RPAP3: variants seen among roughly 807,000 people sequenced by gnomAD.
RPAP3 encodes RNA polymerase II-associated protein 3.
In RPAP3, 58 loss-of-function variants were observed where a neutral mutation model predicts 88.8. The ratio of observed to expected loss-of-function variants is 0.65; its 90% CI spans 0.53 to 0.81. RPAP3 has a LOEUF of 0.81. RPAP3 is among the 40% of genes least tolerant of loss of function. The pLI is 0.00. For missense variants in RPAP3, 751 were observed against 764.3 expected (o/e 0.98, Z 0.20); for synonymous variants, 255 against 259.9 (o/e 0.98, Z 0.18).
At chr12:47,705,825 C>T (rs900944022) in intron 1 of RPAP3, 127 bp downstream of exon 1, 2 of 160,088 alleles carry the variant, frequency 1.2e-5, no homozygotes, top group East Asian at 1.7e-4. Context: ...CCTCAACGCG[C>T]GCCTCCACCG....
rs138162325 is a variant in RPAP3, at chr12:47,688,739, C to A, written c.738+386G>T. On this transcript the variant is annotated intron_variant, in intron 7 of 16. Coordinates refer to ENST00000005386, the MANE Select transcript of RPAP3 (RefSeq NM_024604.3). ...AACTATAATCAAGTTAACATATTTA[C>A]CAGATCTTATGTGCAATAGTAGTGG... is the stretch of plus-strand genomic sequence containing the variant. Among the ~76,000 whole-genome samples the A allele has an allele frequency of 3.3e-5, 5 of 152,260 alleles. No homozygotes were observed. The East Asian group carries it at 9.6e-4, about 29-fold the overall frequency.
chr12:47,701,022 T>C (rs896925999), intron 3 of RPAP3, among the ~76,000 whole-genome samples: 2 of 152,130 alleles, frequency 1.3e-5, no homozygotes, highest in African/African-American at 4.8e-5. Flanking sequence ...TATATCTGTA[T>C]CTTAATTGCG....
In RPAP3 at chr12:47,701,599, T is replaced by A; in HGVS notation, c.159A>T (p.Leu53Phe). 2 of 1,586,218 alleles carry A rather than the reference T, an allele frequency of 1.3e-6. No individual in the cohort carries two copies. The highest frequency in any genetic ancestry group is 1.7e-6 in the Non-Finnish European group (2 of 1,169,214). The change falls in exon 3 of 17, where the codon TTA (leucine) becomes TTT (phenylalanine). Residue 53 changes from leucine to phenylalanine, a missense_variant. Transcript: ENST00000005386. ...RRQNGVPEEN[L>F]PPIRNGNFRK... is the part of the protein sequence containing the mutation. The stretch of plus-strand genomic sequence containing the variant: ...TAAAATTCCCATTTCGAATAGGAGG[T>A]AAATTCTAAGGAGGGAAAAAAAAAC...
At chr12:47,679,653 T>C in intron 11 of RPAP3, 51 bp downstream of exon 11, 2 of 1,526,274 alleles carry the variant, frequency 1.3e-6, no homozygotes, top group Non-Finnish European at 1.8e-6. Context: ...CAAATAAATA[T>C]ATTTATGTTT....
At chr12:47,700,880 G>T (rs1241316079) in intron 3 of RPAP3, among the ~76,000 whole-genome samples, 1 of 152,214 alleles carries the variant, frequency 6.6e-6, no homozygotes, top group Non-Finnish European at 1.5e-5. Flanking sequence ...TTATGACAAA[G>T]ACATCTGCAC....
intron 3 of RPAP3, chr12:47,700,157 G>C (rs984138872): frequency 1.3e-5 from 2 of 151,998 alleles, no homozygotes; most frequent in Admixed American, 6.6e-5. Context: ...TGGTTTCACA[G>C]GTGTACACTT....
intron 12 of RPAP3, among the ~76,000 whole-genome samples, chr12:47,671,579 A>G (rs1053060939): frequency 3.9e-5 from 6 of 152,360 alleles, no homozygotes; most frequent in East Asian, 1.9e-4. Context: ...AAGAAAATTT[A>G]TAACAGAATT....
intron 12 of RPAP3, among the ~76,000 whole-genome samples, chr12:47,677,505 C>T (rs902670767): frequency 5.9e-5 from 9 of 152,024 alleles, no homozygotes; most frequent in Non-Finnish European, 1.3e-4. Context: ...ATCGTCTCAG[C>T]CCAAAATCTC....
At position 47,679,615 on chromosome 12, in the gene RPAP3, C is replaced by T; in HGVS notation, c.1186-21G>A. 3 of 1,542,820 alleles carry T rather than the reference C, an allele frequency of 1.9e-6. No individual in the cohort carries two copies. In the South Asian group the frequency reaches 3.6e-5, roughly 18 times the overall value. On this transcript the variant is annotated intron_variant, in intron 11 of 16. Transcript: ENST00000005386. ...AATTCCTTGAAAATAAATTTATAAC[C>T]CTAACTTTCAAAATATTTATTATAC...
intron 7 of RPAP3, among the ~76,000 whole-genome samples, chr12:47,688,792 T>C (rs1291758972): frequency 6.6e-6 from 1 of 152,198 alleles, no homozygotes; most frequent in Non-Finnish European, 1.5e-5. Flanking sequence ...CTTTCCCCAA[T>C]CACTGTCACT....
intron 5 of RPAP3, among the ~76,000 whole-genome samples, chr12:47,695,296 A>C (rs1939502520): frequency 6.6e-6 from 1 of 152,166 alleles, no homozygotes; most frequent in Non-Finnish European, 1.5e-5. Flanking sequence ...ATAAAAATAT[A>C]ATAAATAGGT....
At chr12:47,703,879 A>C (rs763878716) in intron 1 of RPAP3, among the ~76,000 whole-genome samples, 28 of 152,212 alleles carry the variant, frequency 1.8e-4, no homozygotes, top group Non-Finnish European at 3.1e-4. Context: ...AGAAAGACTC[A>C]AACAGTGGCC....
rs1176345423 is a variant in RPAP3, at chr12:47,702,819, T to C, written c.22A>G (p.Ile8Val). Residue 8 changes from isoleucine to valine, a missense_variant, in exon 2 of 17, where the codon ATC becomes GTC. Transcript: ENST00000005386. ...TGTTTCACTTGTAGTTGTAATTCGA[T>C]TGCTTTATTTGCTGAAGTCATTATG... is the stretch of plus-strand genomic sequence containing the variant. The part of the protein sequence containing the change: MTSANKA[I>V]ELQLQVKQNA... The C allele has an allele frequency of 2.1e-5, 34 of 1,613,174 alleles. No homozygotes were observed. The highest frequency in any genetic ancestry group is 2.8e-5 in the Non-Finnish European group (33 of 1,179,722).
At position 47,662,898 on chromosome 12, in the gene RPAP3, A is replaced by G. The variant is rs1300777212; in HGVS notation, c.*607T>C. 1 of 152,304 alleles carries G rather than the reference A, an allele frequency of 6.6e-6. No homozygotes were observed. The highest frequency in any genetic ancestry group is 1.5e-5 in the Non-Finnish European group (1 of 68,094). 9.4% of individuals were successfully genotyped at this position (152,304 alleles called of 1,614,324 possible). ...GATTATCTGTCCTTAACTGGTATGT[A>G]ACATGGATATCTTAAGGGAAAAAAC... On this transcript the variant is annotated 3_prime_UTR_variant, in exon 17 of 17. Transcript: ENST00000005386.
At chr12:47,670,515 T>C (rs1938974852) in intron 12 of RPAP3, among the ~76,000 whole-genome samples, 170 bp from the exon 13 acceptor site, 2 of 152,182 alleles carry the variant, frequency 1.3e-5, no homozygotes, top group Admixed American at 6.5e-5. Flanking sequence ...TAAAAAGCTA[T>C]ACAAAGCACT....
chr12:47,672,015 G>A (rs1404456919), intron 12 of RPAP3, among the ~76,000 whole-genome samples: 1 of 151,254 alleles, frequency 6.6e-6, no homozygotes, highest in African/African-American at 2.4e-5. Context: ...GAGAGAGAGA[G>A]AAGAACAAAG....
intron 14 of RPAP3, among the ~76,000 whole-genome samples, chr12:47,668,559 T>A (rs1285150510): frequency 6.6e-6 from 1 of 152,220 alleles, no homozygotes; most frequent in East Asian, 1.9e-4. Context: ...TTGATTCTTT[T>A]TCTTAAAGCA....
At chr12:47,668,807 T>C in intron 14 of RPAP3, 109 bp downstream of exon 14, 1 of 775,388 alleles carries the variant, frequency 1.3e-6, no homozygotes, top group Admixed American at 2.5e-5. Flanking sequence ...TCTACAATAA[T>C]TTCTACAATA....
In RPAP3 at chr12:47,702,849, G is replaced by A; in HGVS notation, c.-6-3C>T. ...TTATTTGCTGAAGTCATTATGGTCT[G>A]CAGAGTTTTGAACAACCAACCTCTG... On this transcript the variant is annotated splice_region_variant and splice_polypyrimidine_tract_variant and intron_variant, in intron 1 of 16. Coordinates refer to ENST00000005386, the MANE Select transcript of RPAP3 (RefSeq NM_024604.3). 1.2e-6 allele frequency: 2 copies of A among 1,608,040 alleles called. No homozygotes were observed. Among genetic ancestry groups the A allele is most frequent in the South Asian group, 2.2e-5 (2 of 89,434 alleles).
Sources: allele counts gnomAD v4.1 joint callset (sites outside exome capture counted in the v4.1 genomes callset), GRCh38; gene constraint gnomAD v4.1.1; transcripts MANE v1.5; gene names NCBI Gene and HGNC (gene_info 2026-07-23, HGNC 2026-07-21).